Variants in GRM8 observed in about 807,000 individuals in gnomAD.
The protein encoded by GRM8 is glutamate metabotropic receptor 8.
A neutral mutation model predicts 87.2 loss-of-function variants in GRM8; 47 were observed. That is an observed-to-expected ratio of 0.54 (90% CI 0.43 to 0.69). GRM8 has a LOEUF of 0.69. GRM8 is among the 30% of genes least tolerant of loss of function. GRM8 has a pLI of 0.00. For missense variants in GRM8, 1,019 were observed against 1,139.2 expected (o/e 0.89, Z 1.52); for synonymous variants, 396 against 404.5 (o/e 0.98, Z 0.25).
At chr7:126,534,542 T>C (rs1815381093) in intron 8 of GRM8, among the ~76,000 whole-genome samples, 2 of 152,194 alleles carry the variant, frequency 1.3e-5, no homozygotes, top group Non-Finnish European at 2.9e-5. Context: ...TTTTTTTTAC[T>C]GAACGAAAGT....
At chr7:126,715,459 G>A (rs1811623441) in intron 7 of GRM8, among the ~76,000 whole-genome samples, 1 of 152,250 alleles carries the variant, frequency 6.6e-6, no homozygotes, top group South Asian at 2.1e-4. Context: ...TGTAAGTTTT[G>A]ATGAACTTTA....
chr7:126,727,170 T>A (rs1043899244), intron 7 of GRM8, among the ~76,000 whole-genome samples: 1 of 151,774 alleles, frequency 6.6e-6, no homozygotes, highest in Non-Finnish European at 1.5e-5. Context: ...AATATTTACA[T>A]ACAATATTAA....
intron 2 of GRM8, among the ~76,000 whole-genome samples, chr7:127,124,191 A>T (rs537279650): frequency 1.3e-5 from 2 of 152,282 alleles, no homozygotes; most frequent in African/African-American, 4.8e-5. Context: ...ACCAAACTTT[A>T]AAATTTCAAC....
intron 3 of GRM8, among the ~76,000 whole-genome samples, chr7:127,012,600 T>C (rs573343146): frequency 6.6e-6 from 1 of 152,292 alleles, no homozygotes; most frequent in South Asian, 2.1e-4. Context: ...TCTTGCAATG[T>C]TTTTCCTTCA....
chr7:126,810,486 C>A (rs1442644745), intron 6 of GRM8, among the ~76,000 whole-genome samples: 1 of 152,154 alleles, frequency 6.6e-6, no homozygotes, highest in Non-Finnish European at 1.5e-5. Flanking sequence ...GCCACTGCTG[C>A]AAAAATTGTC....
At chr7:126,774,241 T>G (rs1389520626) in intron 6 of GRM8, among the ~76,000 whole-genome samples, 2 of 152,190 alleles carry the variant, frequency 1.3e-5, no homozygotes, top group Admixed American at 6.6e-5. Context: ...TGATGACACT[T>G]AAGATTTTAC....
At position 126,720,150 on chromosome 7, in the gene GRM8, A is replaced by AT. The variant is rs200028972; in HGVS notation, c.1357+49714dup. On this transcript the variant is annotated intron_variant, in intron 7 of 10. Coordinates refer to ENST00000339582, the MANE Select transcript of GRM8 (RefSeq NM_000845.3). ...ATATTTAACTCATGTTATTCTCACA[A>AT]TTTTTTTTTTTTTTTTGAGATGGGA... is the stretch of plus-strand genomic sequence containing the variant. 6.3e-3 allele frequency among the ~76,000 whole-genome samples: 863 copies of AT among 137,852 alleles called. 11 individuals are homozygous for AT. The highest frequency in any genetic ancestry group is 0.04 in the South Asian group (171 of 4,270). The allele number at this position is 137,852 out of a possible 152,430, so 90.4% of individuals were successfully genotyped here. A position where few individuals can be genotyped will look rare whatever the true frequency, so the allele number is the denominator to read the frequency against.
chr7:127,221,301 A>G (rs937028361), intron 2 of GRM8, among the ~76,000 whole-genome samples: 8 of 152,200 alleles, frequency 5.3e-5, no homozygotes, highest in African/African-American at 1.7e-4. Context: ...TGGTTTTCAC[A>G]TGGTACCACC....
chr7:126,757,822 C>G (rs1315269076), intron 7 of GRM8, among the ~76,000 whole-genome samples: 2 of 152,112 alleles, frequency 1.3e-5, no homozygotes, highest in African/African-American at 4.8e-5. Context: ...TCCCTGAACA[C>G]CTTTTCAACC....
At chr7:126,495,184 T>G (rs1808554786) in intron 9 of GRM8, among the ~76,000 whole-genome samples, 1 of 151,984 alleles carries the variant, frequency 6.6e-6, no homozygotes, top group South Asian at 2.1e-4. Flanking sequence ...TCCCATGGCA[T>G]GAAGTTAGGC....
At chr7:126,492,360 C>T (rs146003876) in intron 9 of GRM8, among the ~76,000 whole-genome samples, 1 of 152,112 alleles carries the variant, frequency 6.6e-6, no homozygotes, top group East Asian at 1.9e-4. Flanking sequence ...CTATAAGGAA[C>T]TGTTTATGTG....
intron 2 of GRM8, among the ~76,000 whole-genome samples, chr7:127,211,022 T>A (rs1469269791): frequency 6.6e-6 from 1 of 152,144 alleles, no homozygotes; most frequent in Admixed American, 6.5e-5. Flanking sequence ...AATCTTCATG[T>A]CCCTCCAGAA....
chr7:126,516,020 T>C (rs1562907122), intron 9 of GRM8, among the ~76,000 whole-genome samples: 1 of 152,108 alleles, frequency 6.6e-6, no homozygotes. Flanking sequence ...ATTTAAGCAA[T>C]ATTTGTATGA....
At chr7:126,722,651 A>T (rs1812509432) in intron 7 of GRM8, among the ~76,000 whole-genome samples, 1 of 152,120 alleles carries the variant, frequency 6.6e-6, no homozygotes, top group Non-Finnish European at 1.5e-5. Context: ...CTCACTAAAG[A>T]AACCAAGCAC....
chr7:126,648,922 T>C (rs906870345), intron 7 of GRM8, among the ~76,000 whole-genome samples: 1 of 152,220 alleles, frequency 6.6e-6, no homozygotes, highest in Non-Finnish European at 1.5e-5. Context: ...CCTACAGTGA[T>C]GATATAATTT....
At chr7:126,717,694 T>C (rs776020069) in intron 7 of GRM8, among the ~76,000 whole-genome samples, 1 of 152,132 alleles carries the variant, frequency 6.6e-6, no homozygotes, top group Admixed American at 6.5e-5. Flanking sequence ...CCAATTTACA[T>C]ACTTGTAAAA....
intron 6 of GRM8, among the ~76,000 whole-genome samples, chr7:126,832,678 A>G (rs557651817): frequency 1.2e-3 from 182 of 152,334 alleles, no homozygotes; most frequent in African/African-American, 4.2e-3. Context: ...GCAGGCTTTC[A>G]TTTTGCTAAA....
chr7:127,005,256 A>G (rs1814171170), intron 3 of GRM8, among the ~76,000 whole-genome samples: 1 of 151,498 alleles, frequency 6.6e-6, no homozygotes, highest in Non-Finnish European at 1.5e-5. Context: ...AAGAGCTGAG[A>G]AACAACTTGA....
chr7:126,929,518 C>T (rs947110190), intron 3 of GRM8, among the ~76,000 whole-genome samples: 2 of 152,198 alleles, frequency 1.3e-5, no homozygotes, highest in Non-Finnish European at 2.9e-5. Flanking sequence ...ACTGCAACCT[C>T]CACCTCCCGG....
Sources: allele counts gnomAD v4.1 joint callset (sites outside exome capture counted in the v4.1 genomes callset), GRCh38; gene constraint gnomAD v4.1.1; transcripts MANE v1.5; gene names NCBI Gene and HGNC (gene_info 2026-07-23, HGNC 2026-07-21).